The following USP7 variants were observed in gnomAD, a reference collection of about 807,000 sequenced individuals.
USP7 encodes the protein ubiquitin C-terminal hydrolase 7.
In USP7, 9 loss-of-function variants were observed where a neutral mutation model predicts 162.9. The ratio of observed to expected loss-of-function variants is 0.06; its 90% CI spans 0.03 to 0.10. The LOEUF (loss-of-function observed/expected upper bound fraction) is 0.10, where lower values mean the gene tolerates loss of function less well. Among genes scored for constraint, USP7 ranks in the 10% least tolerant of loss-of-function variants. USP7 has a pLI of 1.00. For synonymous variants in USP7, 562 were observed against 475.9 expected (o/e 1.18, Z -2.35); for missense variants, 715 against 1,373.7 (o/e 0.52, Z 7.58).
intron 20 of USP7, 140 bp from the exon 21 acceptor site, chr16:8,900,770 T>TA (rs1363220239): frequency 4.1e-6 from 3 of 734,690 alleles, no homozygotes; most frequent in Admixed American, 3.3e-5. Flanking sequence ...CAGGAAAAGC[T>TA]AAATGAATAA....
chr16:8,903,457 C>G, intron 15 of USP7, 55 bp from the exon 16 acceptor site: 1 of 1,566,428 alleles, frequency 6.4e-7, no homozygotes, highest in Non-Finnish European at 8.7e-7. Flanking sequence ...AAAAATGAGT[C>G]CACACTGAAC....
intron 1 of USP7, among the ~76,000 whole-genome samples, chr16:8,940,444 T>C (rs1046931773): frequency 6.6e-6 from 1 of 152,086 alleles, no homozygotes; most frequent in Non-Finnish European, 1.5e-5. Flanking sequence ...GTACTAGGAA[T>C]GTCCAAGAAG....
chr16:8,905,162 C>T lies in USP7; in HGVS notation c.1573+25G>A, dbSNP rs764875163. ...TGTCCAAGTCCACCACAGTAAAGAA[C>T]AGAACAAAAGTGAACACTACTCACT... On this transcript the variant is annotated intron_variant, in intron 14 of 30. Coordinates refer to ENST00000344836, the MANE Select transcript of USP7 (RefSeq NM_003470.3). 3.7e-6 allele frequency: 6 copies of T among 1,607,206 alleles called. No homozygotes were observed. In the African/African-American group the frequency reaches 6.7e-5, roughly 18 times the overall value.
intron 2 of USP7, among the ~76,000 whole-genome samples, chr16:8,929,064 A>T (rs1898175555): frequency 6.6e-6 from 1 of 151,990 alleles, no homozygotes; most frequent in South Asian, 2.1e-4. Flanking sequence ...AAAGAAAAAA[A>T]CAGTAGGGAA....
intron 21 of USP7, among the ~76,000 whole-genome samples, 195 bp downstream of exon 21, chr16:8,900,335 G>C (rs4985061): frequency 0.43 from 66,097 of 152,028 alleles, 16,376 homozygotes; most frequent in East Asian, 0.67. Flanking sequence ...TTAAGAAATT[G>C]AGAAGAGCTT....
intron 2 of USP7, among the ~76,000 whole-genome samples, chr16:8,924,814 CTTCT>C (rs1466870998): frequency 6.6e-6 from 1 of 152,212 alleles, no homozygotes; most frequent in Admixed American, 6.5e-5. Context: ...GCACTTCTAC[CTTCT>C]TTGAGACACT....
At chr16:8,903,145 CA>C in intron 16 of USP7, 122 bp downstream of exon 16, 1 of 1,304,404 alleles carries the variant, frequency 7.7e-7, no homozygotes, top group Non-Finnish European at 1.0e-6. Flanking sequence ...TCACACTCCT[CA>C]CTGTTAGGCA....
intron 1 of USP7, among the ~76,000 whole-genome samples, chr16:8,960,408 T>G (rs1899965253): frequency 6.6e-6 from 1 of 152,192 alleles, no homozygotes; most frequent in South Asian, 2.1e-4. Flanking sequence ...ACAAGGACTG[T>G]GCAGAGTTCA....
intron 27 of USP7, among the ~76,000 whole-genome samples, 175 bp downstream of exon 27, chr16:8,895,467 C>A (rs1206237223): frequency 6.6e-6 from 1 of 152,214 alleles, no homozygotes; most frequent in Non-Finnish European, 1.5e-5. Flanking sequence ...GTAACCCAAA[C>A]TGAGGACTAA....
intron 1 of USP7, among the ~76,000 whole-genome samples, chr16:8,932,564 T>C (rs892422482): frequency 2.0e-5 from 3 of 152,158 alleles, no homozygotes; most frequent in East Asian, 1.9e-4. Context: ...AAATGTCTTT[T>C]TGCTGGTTAA....
At chr16:8,955,577 GC>G (rs1041587095) in intron 1 of USP7, among the ~76,000 whole-genome samples, 11 of 151,928 alleles carry the variant, frequency 7.2e-5, no homozygotes, top group African/African-American at 2.7e-4. Context: ...ATGGCGGCGC[GC>G]CCCTGTAGTC....
rs79028709 is a variant in USP7 at position 8,915,641 on chromosome 16, T to G, written c.907-116A>C. On this transcript the variant is annotated intron_variant, in intron 8 of 30. Coordinates refer to ENST00000344836, the MANE Select transcript of USP7 (RefSeq NM_003470.3). ...AAAGAAGTTGTAGACTATAAAAATA[T>G]GACCTCTGGCATGCAATTCTCAAAA... is the stretch of plus-strand genomic sequence containing the variant. 3.6e-3 allele frequency: 3,344 copies of G among 920,008 alleles called. 79 individuals carry two copies. The East Asian group carries it at 0.052, about 14-fold the overall frequency. 57.0% of individuals were successfully genotyped at this position (920,008 alleles called of 1,614,324 possible). A position where few individuals can be genotyped will look rare whatever the true frequency, so the allele number is the denominator to read the frequency against.
chr16:8,902,893 A>T (rs1045319353), intron 16 of USP7, among the ~76,000 whole-genome samples: 1 of 152,170 alleles, frequency 6.6e-6, no homozygotes, highest in African/African-American at 2.4e-5. Context: ...AAAGAAAAAA[A>T]GACTGTGATT....
In USP7 at chr16:8,915,124, CTGTT is replaced by C. The variant is rs1264950978; in HGVS notation, c.1078+126_1078+129del. On this transcript the variant is annotated intron_variant, in intron 10 of 30. Transcript: ENST00000344836. ...AACAAGCCTGTGTTCACCCAGTGAG[CTGTT>C]TGCTTAAGATCTGAGCCATTCTCTG... 18 of 849,104 alleles carry C rather than the reference CTGTT, an allele frequency of 2.1e-5. No individual in the cohort carries two copies. The African/African-American group carries it at 2.9e-4, about 14-fold the overall frequency. 52.6% of individuals were successfully genotyped at this position (849,104 alleles called of 1,614,324 possible). A position where few individuals can be genotyped will look rare whatever the true frequency, so the allele number is the denominator to read the frequency against.
chr16:8,900,825 A>G lies in USP7; in HGVS notation c.2208+165T>C, dbSNP rs576862036. 7 of 810,266 alleles carry G rather than the reference A, an allele frequency of 8.6e-6. 1 individual carries two copies. In the Admixed American group the frequency reaches 2.3e-4, roughly 26 times the overall value. The allele number at this position is 810,266 out of a possible 1,614,324, so 50.2% of individuals were successfully genotyped here. A position where few individuals can be genotyped will look rare whatever the true frequency, so the allele number is the denominator to read the frequency against. ...TCAGATTTGATTCTACAACAGGTAA[A>G]AAAAAAAAATTCACAAATCTAAATA... On this transcript the variant is annotated intron_variant, in intron 20 of 30. Transcript: ENST00000344836.
intron 1 of USP7, among the ~76,000 whole-genome samples, chr16:8,932,128 G>C (rs949144941): frequency 1.3e-5 from 2 of 152,044 alleles, no homozygotes; most frequent in Non-Finnish European, 2.9e-5. Context: ...AATAATTCCT[G>C]AATAAAATGG....
chr16:8,925,166 G>A (rs534133326), intron 2 of USP7, among the ~76,000 whole-genome samples: 3 of 152,274 alleles, frequency 2.0e-5, no homozygotes, highest in South Asian at 2.1e-4. Flanking sequence ...ATGGAGGTTC[G>A]CCGAGGCTGT....
At chr16:8,940,619 G>A (rs553124912) in intron 1 of USP7, among the ~76,000 whole-genome samples, 2 of 152,252 alleles carry the variant, frequency 1.3e-5, no homozygotes, top group South Asian at 2.1e-4. Context: ...AAACAGGGAC[G>A]ATGGTGGCAG....
chr16:8,957,387 G>A (rs557748681), intron 1 of USP7, among the ~76,000 whole-genome samples: 2 of 152,240 alleles, frequency 1.3e-5, no homozygotes, highest in South Asian at 4.1e-4. Context: ...TTGTTCTCCA[G>A]GATAAAACTT....
Sources: allele counts gnomAD v4.1 joint callset (sites outside exome capture counted in the v4.1 genomes callset), GRCh38; gene constraint gnomAD v4.1.1; transcripts MANE v1.5; gene names NCBI Gene and HGNC (gene_info 2026-07-23, HGNC 2026-07-21).